The following POLE variants were observed in gnomAD, a reference collection of about 807,000 sequenced individuals.
POLE encodes the protein DNA polymerase epsilon, catalytic subunit, also known as DNA polymerase epsilon catalytic subunit A.
POLE carries 188 observed loss-of-function variants against 279.2 expected under a neutral mutation model. The ratio of observed to expected loss-of-function variants is 0.67; its 90% confidence interval spans 0.60 to 0.76. The LOEUF (loss-of-function observed/expected upper bound fraction) is 0.76, where lower values mean the gene tolerates loss of function less well. Among genes scored for constraint, POLE ranks in the 30% least tolerant of loss-of-function variants. POLE has a pLI of 0.00. For missense variants in POLE, 2,703 were observed against 3,016.7 expected, an observed-to-expected ratio of 0.90 and a Z score of 2.44; for synonymous variants, 1,214 against 1,172.5, an observed-to-expected ratio of 1.04 and a Z score of -0.72.
rs139529018 is a variant in POLE at position 132,646,953 on chromosome 12, C to T, written c.4149+1976G>A. ...AGCTCAAGCAATCCACCAGCCTCAG[C>T]CTCCCAAATTGCTGGGATTACAGAT... On this transcript the variant is annotated intron_variant, in intron 32 of 48. Coordinates refer to ENST00000320574, the MANE Select transcript of POLE (RefSeq NM_006231.4). Among the ~76,000 whole-genome samples, 298 of 152,302 alleles carry T rather than the reference C, an allele frequency of 2.0e-3. 1 individual carries two copies. Among genetic ancestry groups the T allele is most frequent in the East Asian group, 4.8e-3 (25 of 5,178 alleles).
In POLE at chr12:132,649,299, T is replaced by C. The variant is rs372329585; in HGVS notation, c.4005+7A>G. ...CCACTGCCCTCCCCTTGGATCAAGG[T>C]CTATACCTGCACAATCTGCCACGGA... is the stretch of plus-strand genomic sequence containing the variant. On this transcript the variant is annotated splice_region_variant and intron_variant, in intron 31 of 48. Transcript: ENST00000320574. The C allele has an allele frequency of 5.6e-6, 9 of 1,613,018 alleles. No homozygotes were observed. Among genetic ancestry groups the C allele is most frequent in the Non-Finnish European group, 7.6e-6 (9 of 1,179,672 alleles).
rs1593719698 is a variant in POLE at position 132,638,075 on chromosome 12, G to T, written c.5617C>A (p.Leu1873Ile). Reference protein sequence around the residue: ...VIYANFNRIILCTKKRRVEDA... With the variant: ...VIYANFNRIIICTKKRRVEDA... ...TCCACACGGCGCTTCTTTGTACAGAGGATGATGCGGTTGAAGTTGGCGTAG... is the reference window on the plus strand; with the variant it reads ...TCCACACGGCGCTTCTTTGTACAGATGATGATGCGGTTGAAGTTGGCGTAG... Residue 1873 changes from leucine to isoleucine, a missense_variant, in exon 41 of 49, where the codon CTC becomes ATC. Physicochemically the swap from Leu to Ile is conservative, Grantham distance 5. This residue lies in a region of POLE where 1,551 missense variants were observed against 1,686.1 expected (regional missense o/e 0.92). Transcript: ENST00000320574. The T allele has an allele frequency of 6.2e-7, 1 of 1,614,034 alleles. No individual in the cohort carries two copies. The highest frequency in any genetic ancestry group is 8.5e-7 in the Non-Finnish European group (1 of 1,179,974).
At chr12:132,659,226 A>G (rs1040471421) in intron 26 of POLE, 69 bp downstream of exon 26, 19 of 1,499,978 alleles carry the variant, frequency 1.3e-5, no homozygotes, top group Admixed American at 5.5e-5. Flanking sequence ...CCTCTCCGTG[A>G]CGGAGGGAGC....
chr12:132,632,772 A>T lies in POLE; in HGVS notation c.6028T>A (p.Cys2010Ser). 6.2e-7 allele frequency: 1 copy of T among 1,610,852 alleles called. No homozygotes were observed. Among genetic ancestry groups the T allele is most frequent in the Middle Eastern group, 1.6e-4 (1 of 6,062 alleles). The change falls in exon 44 of 49, where the codon TGC (cysteine) becomes AGC (serine). Residue 2010 changes from cysteine (C) to serine (S), a missense_variant. Coordinates refer to ENST00000320574, the MANE Select transcript of POLE (RefSeq NM_006231.4). ...VSAYIVAVYH[C>S]MKDGLRRSAP... ...CTGCGCCTCAGCCCGTCCTTCATGC[A>T]GTGGTACACGGCCACGATGTACGCT... is the stretch of plus-strand genomic sequence containing the variant.
rs1060500832 is a variant in POLE, at chr12:132,667,643, A to T, written c.2179T>A (p.Cys727Ser). 6.2e-7 allele frequency: 1 copy of T among 1,614,160 alleles called. No homozygotes were observed. The highest frequency in any genetic ancestry group is 1.6e-4 in the Middle Eastern group (1 of 6,062). The change falls in exon 20 of 49, where the codon TGC (cysteine) becomes AGC (serine). Residue 727 changes from cysteine to serine, a missense_variant. Physicochemically the swap from Cys to Ser is moderately radical, Grantham distance 112. Around this residue, in one of 5 missense-constraint regions of POLE, gnomAD observed 1,011 missense variants for 1,111.7 expected, o/e 0.91. Coordinates refer to ENST00000320574, the MANE Select transcript of POLE (RefSeq NM_006231.4). ...KYEKRRLADYCRKAYKKIHIT... is the reference protein window; with the variant it reads ...KYEKRRLADYSRKAYKKIHIT... ...TGGATCTTCTTGTAGGCTTTCCGGC[A>T]GTAATCTAAGCACGACGGAGATGGG...
Position 132,673,648 on chromosome 12 carries a change from T to C in POLE, c.1286A>G (p.Lys429Arg), listed in dbSNP as rs2135999996. The C allele has an allele frequency of 6.2e-7, 1 of 1,614,036 alleles. No individual in the cohort carries two copies. The highest frequency in any genetic ancestry group is 8.5e-7 in the Non-Finnish European group (1 of 1,179,996). The change falls in exon 13 of 49, where the codon AAG (lysine) becomes AGG (arginine). Residue 429 changes from lysine (K) to arginine (R), a missense_variant. Lys to Arg is a conservative substitution (Grantham distance 26). Around this residue, in one of 5 missense-constraint regions of POLE, gnomAD observed 1,011 missense variants for 1,111.7 expected, o/e 0.91. Transcript: ENST00000320574. The stretch of plus-strand genomic sequence containing the variant: ...CACGGGATCATAGCCTAGCTTGGCC[T>C]TGGCGGCCGCCTTGAGATTATGACT... The part of the protein sequence containing the change: ...VGSHNLKAAA[K>R]AKLGYDPVEL...
chr12:132,672,740 T>G lies in POLE; in HGVS notation c.1573A>C (p.Asn525His), dbSNP rs751164982. The G allele has an allele frequency of 9.9e-6, 16 of 1,614,202 alleles. No individual in the cohort carries two copies. Among genetic ancestry groups the G allele is most frequent in the Non-Finnish European group, 1.4e-5 (16 of 1,180,028 alleles). The change falls in exon 15 of 49, where the codon AAT (asparagine) becomes CAT (histidine). Residue 525 changes from asparagine to histidine, a missense_variant. Asn to His is a moderately conservative substitution (Grantham distance 68). This residue lies in a region of POLE where 1,011 missense variants were observed against 1,111.7 expected (regional missense o/e 0.91). Transcript: ENST00000320574. ...IFPNKQEQEFNKLTDDGHVLD... is the reference protein window; with the variant it reads ...IFPNKQEQEFHKLTDDGHVLD... The stretch of plus-strand genomic sequence containing the variant: ...ACGTGTCCGTCGTCCGTCAGCTTAT[T>G]GAACTCCTGCTCTTGCTTGTTGGGG...
At chr12:132,658,023 T>C in intron 26 of POLE, 53 bp from the exon 27 acceptor site, 1 of 1,106,116 alleles carries the variant, frequency 9.0e-7, no homozygotes, top group Non-Finnish European at 1.4e-6. Context: ...TCACCCAAAA[T>C]CTGATCCTAA....
chr12:132,649,417 T>C lies in POLE; in HGVS notation c.3894A>G (p.Ala1298=). The C allele has an allele frequency of 6.2e-7, 1 of 1,613,182 alleles. No individual in the cohort carries two copies. Among genetic ancestry groups the C allele is most frequent in the Non-Finnish European group, 8.5e-7 (1 of 1,180,028 alleles). Residue 1298 remains alanine (A), a synonymous_variant, in exon 31 of 49, where the codon GCA becomes GCG. Coordinates refer to ENST00000320574, the MANE Select transcript of POLE (RefSeq NM_006231.4). The part of the protein sequence containing the change: ...ARRKRQRLES[A]EGVLRPGAIR... The stretch of plus-strand genomic sequence containing the variant: ...TGGCCCCGGGCCTGAGCACACCCTC[T>C]GCCGACTCCAGACGCTGCCTCTTCC...
intron 6 of POLE, among the ~76,000 whole-genome samples, chr12:132,678,394 C>G (rs952045069): frequency 1.3e-5 from 2 of 151,344 alleles, no homozygotes; most frequent in African/African-American, 4.9e-5. Flanking sequence ...TAGGGAGACT[C>G]ATCTCTACAA....
intron 2 of POLE, 123 bp from the exon 3 acceptor site, chr12:132,680,810 C>T: frequency 1.3e-6 from 1 of 752,164 alleles, no homozygotes; most frequent in Non-Finnish European, 2.3e-6. Context: ...GTCTTTACTC[C>T]ACCCCTACAT....
At position 132,632,397 on chromosome 12, in the gene POLE, A is replaced by C; in HGVS notation, c.6248T>G (p.Leu2083Arg). 6.2e-7 allele frequency: 1 copy of C among 1,613,810 alleles called. No homozygotes were observed. Among genetic ancestry groups the C allele is most frequent in the Non-Finnish European group, 8.5e-7 (1 of 1,179,714 alleles). ...GGGGAGGACAGGAAACATCTCTGAGAGCTCAGTGGAGTTCCGAGAGCCTGT... is the reference window on the plus strand; with the variant it reads ...GGGGAGGACAGGAAACATCTCTGAGCGCTCAGTGGAGTTCCGAGAGCCTGT... Reference protein sequence around the residue: ...KVTGSRNSTELSEMFPVLPGS... With the variant: ...KVTGSRNSTERSEMFPVLPGS... The change falls in exon 45 of 49, where the codon CTC (leucine) becomes CGC (arginine). Residue 2083 changes from leucine to arginine, a missense_variant. Coordinates refer to ENST00000320574, the MANE Select transcript of POLE (RefSeq NM_006231.4).
At chr12:132,625,370 C>T (rs761246626) in intron 47 of POLE, 3 of 735,962 alleles carry the variant, frequency 4.1e-6, no homozygotes, top group Admixed American at 3.5e-5. Context: ...GTGCAACTCC[C>T]TCTTCCTCCT....
chr12:132,656,402 C>T (rs2042540317), intron 29 of POLE, among the ~76,000 whole-genome samples: 1 of 152,022 alleles, frequency 6.6e-6, no homozygotes, highest in Non-Finnish European at 1.5e-5. Context: ...GCTCTGTCGC[C>T]CAGGGGAGTG....
chr12:132,637,095 G>A (rs1421326982), intron 41 of POLE, among the ~76,000 whole-genome samples: 1 of 152,220 alleles, frequency 6.6e-6, no homozygotes, highest in Non-Finnish European at 1.5e-5. Flanking sequence ...CGTGACCACT[G>A]ACCATCAAGG....
chr12:132,636,081 T>G, intron 41 of POLE, 57 bp from the exon 42 acceptor site: 2 of 1,563,308 alleles, frequency 1.3e-6, no homozygotes, highest in Admixed American at 1.8e-5. Context: ...TTCTCAACTT[T>G]CCTTTATTTC....
In POLE at chr12:132,652,802, T is replaced by C. The variant is rs538568498; in HGVS notation, c.3583-2913A>G. 2.0e-5 allele frequency among the ~76,000 whole-genome samples: 3 copies of C among 152,312 alleles called. No individual in the cohort carries two copies. In the South Asian group the frequency reaches 6.2e-4, roughly 32 times the overall value. ...CGGCTCTACTGCTCTCCTCTCATCT[T>C]GTCAAGATGCCATGATAGTGTGTCT... On this transcript the variant is annotated intron_variant, in intron 29 of 48. Coordinates refer to ENST00000320574, the MANE Select transcript of POLE (RefSeq NM_006231.4).
chr12:132,675,946 C>T lies in POLE; in HGVS notation c.1021-126G>A, dbSNP rs2043040849. On this transcript the variant is annotated intron_variant, in intron 10 of 48. Transcript: ENST00000320574. The surrounding 1 kb of genome is among the most constrained non-coding windows in gnomAD (Gnocchi z 4.3). ...CTTATTCCTGCCCCGCCCCTCCGCCCGTCTCTGGCAGAAAAGACGGTCATA... is the reference window on the plus strand; with the variant it reads ...CTTATTCCTGCCCCGCCCCTCCGCCTGTCTCTGGCAGAAAAGACGGTCATA... The T allele has an allele frequency of 5.3e-6, 5 of 946,354 alleles. No homozygotes were observed. Among genetic ancestry groups the T allele is most frequent in the Non-Finnish European group, 8.3e-6 (5 of 603,184 alleles). The allele number at this position is 946,354 out of a possible 1,614,324, so 58.6% of individuals were successfully genotyped here. A position where few individuals can be genotyped will look rare whatever the true frequency, so the allele number is the denominator to read the frequency against.
chr12:132,673,754 C>A lies in POLE; in HGVS notation c.1227-47G>T, dbSNP rs2042984809. 2.5e-6 allele frequency: 4 copies of A among 1,606,224 alleles called. No homozygotes were observed. In the East Asian group the frequency reaches 8.9e-5, roughly 36 times the overall value. ...AAGCCAGGATGATTCTAACATGCAG[C>A]CCGGGAACCCCTGAGAACTGGCAAA... On this transcript the variant is annotated intron_variant, in intron 12 of 48. Coordinates refer to ENST00000320574, the MANE Select transcript of POLE (RefSeq NM_006231.4).
Sources: gnomAD v4.1 joint callset for allele counts (sites outside exome capture counted in the v4.1 genomes callset) on GRCh38, gnomAD v4.1.1 for gene constraint, gnomAD v4.1.1 regional missense constraint, Gnocchi (gnomAD v3.1) non-coding constraint, MANE v1.5 for transcripts, NCBI Gene and HGNC (gene_info 2026-07-23, HGNC 2026-07-21) for gene names.